The following CADPS2 variants were observed in gnomAD, a reference collection of about 807,000 sequenced individuals.
CADPS2 encodes the protein calcium dependent secretion activator 2.
A neutral mutation model predicts 172.5 loss-of-function variants in CADPS2; 93 were observed. The ratio of observed to expected loss-of-function variants is 0.54; its 90% confidence interval spans 0.46 to 0.64. CADPS2 has a LOEUF of 0.64. Ranked by LOEUF, CADPS2 falls within the 30% of genes least tolerant of loss-of-function variation. CADPS2 has a pLI of 0.00. For missense variants in CADPS2, 1,420 were observed against 1,565.9 expected, an observed-to-expected ratio of 0.91 and a Z score of 1.57; for synonymous variants, 546 against 555.2, an observed-to-expected ratio of 0.98 and a Z score of 0.23.
chr7:122,635,461 G>A (rs1373381245), intron 3 of CADPS2, among the ~76,000 whole-genome samples: 1 of 145,604 alleles, frequency 6.9e-6, no homozygotes, highest in African/African-American at 2.6e-5. Context: ...CCCAGAGTGT[G>A]ATGTTCCCCT....
At chr7:122,478,462 C>T (rs890635082) in intron 12 of CADPS2, among the ~76,000 whole-genome samples, 1 of 151,968 alleles carries the variant, frequency 6.6e-6, no homozygotes, top group Non-Finnish European at 1.5e-5. Flanking sequence ...GATGTATGCT[C>T]GAGCGTCTTT....
At chr7:122,800,816 C>T (rs979446252) in intron 1 of CADPS2, among the ~76,000 whole-genome samples, 3 of 151,898 alleles carry the variant, frequency 2.0e-5, no homozygotes, top group Admixed American at 6.6e-5. Flanking sequence ...CATGGTAAAA[C>T]CCTGTCTCTA....
At chr7:122,615,424 C>T in intron 5 of CADPS2, 125 bp from the exon 6 acceptor site, 1 of 504,792 alleles carries the variant, frequency 2.0e-6, no homozygotes. Context: ...TTTTTGTTAA[C>T]ATCACTGGTA....
chr7:122,770,296 G>A (rs1160791838), intron 1 of CADPS2, among the ~76,000 whole-genome samples: 1 of 152,056 alleles, frequency 6.6e-6, no homozygotes, highest in African/African-American at 2.4e-5. Flanking sequence ...TAGTAAGTAG[G>A]AAGGGAATAC....
At chr7:122,769,911 T>G (rs2139034299) in intron 1 of CADPS2, among the ~76,000 whole-genome samples, 1 of 152,340 alleles carries the variant, frequency 6.6e-6, no homozygotes, top group Middle Eastern at 3.4e-3. Context: ...ATAATTGTCA[T>G]GATTTTCATT....
intron 17 of CADPS2, among the ~76,000 whole-genome samples, chr7:122,436,755 T>C (rs2050693599): frequency 6.6e-6 from 1 of 152,058 alleles, no homozygotes; most frequent in Non-Finnish European, 1.5e-5. Context: ...CACTGTCCAT[T>C]GGGTACTACC....
chr7:122,466,129 G>A (rs1310443725), intron 14 of CADPS2, among the ~76,000 whole-genome samples: 1 of 152,158 alleles, frequency 6.6e-6, no homozygotes, highest in East Asian at 1.9e-4. Flanking sequence ...ATGTCAAGGT[G>A]TAACCCTTGT....
At chr7:122,861,131 T>C (rs914519091) in intron 1 of CADPS2, among the ~76,000 whole-genome samples, 8 of 152,224 alleles carry the variant, frequency 5.3e-5, no homozygotes, top group Admixed American at 3.9e-4. Flanking sequence ...TAGTTGATTA[T>C]TGGATCACAT....
chr7:122,632,328 T>C (rs2076653889), intron 3 of CADPS2, among the ~76,000 whole-genome samples: 1 of 152,230 alleles, frequency 6.6e-6, no homozygotes, highest in Non-Finnish European at 1.5e-5. Context: ...ACCCACAGAA[T>C]ACAAACATTT....
At chr7:122,820,611 G>C (rs1802945221) in intron 1 of CADPS2, among the ~76,000 whole-genome samples, 1 of 120,634 alleles carries the variant, frequency 8.3e-6, no homozygotes, top group African/African-American at 3.3e-5. Context: ...CCAGGCTGGA[G>C]TGCAGTGGCG....
At chr7:122,876,306 C>A (rs1451680419) in intron 1 of CADPS2, among the ~76,000 whole-genome samples, 2 of 152,128 alleles carry the variant, frequency 1.3e-5, no homozygotes, top group African/African-American at 4.8e-5. Context: ...GGCCACAGAG[C>A]AAGACTTTGT....
rs1215449340 is a variant in CADPS2, at chr7:122,698,854, C to T, written c.454-35285G>A. ...GTTCTGACTAACAAGCCAAAGAACA[C>T]TGAACTTCATAAGCCAGGAAGAGGC... On this transcript the variant is annotated intron_variant, in intron 2 of 29. Transcript: ENST00000449022. 5.0e-6 allele frequency: 8 copies of T among 1,612,748 alleles called. No individual in the cohort carries two copies. Among genetic ancestry groups the T allele is most frequent in the Middle Eastern group, 1.6e-4 (1 of 6,076 alleles).
chr7:122,640,933 CAAA>C (rs60107640), intron 3 of CADPS2, among the ~76,000 whole-genome samples: 23 of 129,668 alleles, frequency 1.8e-4, no homozygotes, highest in South Asian at 2.5e-4. Context: ...GACTCTATCT[CAAA>C]AAAAAAAAAA....
At chr7:122,707,382 A>G (rs1349660279) in intron 2 of CADPS2, among the ~76,000 whole-genome samples, 2 of 151,936 alleles carry the variant, frequency 1.3e-5, no homozygotes, top group African/African-American at 2.4e-5. Context: ...AAAATCAACT[A>G]ACTGACCTCT....
chr7:122,867,106 C>T (rs1182649605), intron 1 of CADPS2, among the ~76,000 whole-genome samples: 1 of 152,136 alleles, frequency 6.6e-6, no homozygotes, highest in African/African-American at 2.4e-5. Context: ...TCAACTGCTA[C>T]CTGCTTCTAC....
chr7:122,690,974 T>G (rs3993668), intron 2 of CADPS2, among the ~76,000 whole-genome samples: 151,194 of 152,288 alleles, frequency 0.99, 75,061 homozygotes, highest in Non-Finnish European at 1. Context: ...AAGGTGCAGA[T>G]TCTAGGTGTA....
At chr7:122,622,554 A>C (rs2075708700) in intron 4 of CADPS2, among the ~76,000 whole-genome samples, 1 of 152,176 alleles carries the variant, frequency 6.6e-6, no homozygotes, top group South Asian at 2.1e-4. Context: ...GATTATAATA[A>C]ATTTATATTC....
intron 9 of CADPS2, among the ~76,000 whole-genome samples, chr7:122,499,438 CT>C (rs929196503): frequency 4.8e-5 from 7 of 147,216 alleles, no homozygotes; most frequent in Non-Finnish European, 1.1e-4. Flanking sequence ...TAAAGTTTTT[CT>C]TTTTTTTCCT....
At chr7:122,610,450 T>C (rs1474347147) in intron 6 of CADPS2, among the ~76,000 whole-genome samples, 1 of 151,194 alleles carries the variant, frequency 6.6e-6, no homozygotes, top group Non-Finnish European at 1.5e-5. Context: ...AAAATCCAGA[T>C]ACAAAGACTA....
Sources: gnomAD v4.1 joint callset for allele counts (sites outside exome capture counted in the v4.1 genomes callset) on GRCh38, gnomAD v4.1.1 for gene constraint, MANE v1.5 for transcripts, NCBI Gene and HGNC (gene_info 2026-07-23, HGNC 2026-07-21) for gene names.